The following PLAGL1 variants were observed in gnomAD, a reference collection of about 807,000 sequenced individuals.
PLAGL1 encodes PLAG1 like zinc finger 1, also known as zinc finger protein PLAGL1.
A neutral mutation model predicts 4.6 loss-of-function variants in PLAGL1; 1 was observed. The ratio of observed to expected loss-of-function variants is 0.22; its 90% CI spans 0.08 to 1.03. The LOEUF (loss-of-function observed/expected upper bound fraction) is 1.03, where lower values mean the gene tolerates loss of function less well. PLAGL1 is among the 50% of genes least tolerant of loss of function. The pLI is 0.58. For missense variants in PLAGL1, 464 were observed against 570.4 expected (o/e 0.81, Z 1.90); for synonymous variants, 240 against 237.8 (o/e 1.01, Z -0.08).
At chr6:144,054,857 C>T (rs1006134491) in intron 1 of PLAGL1, among the ~76,000 whole-genome samples, 1 of 148,042 alleles carries the variant, frequency 6.8e-6, no homozygotes, top group Non-Finnish European at 1.5e-5. Context: ...ATTTTCCTTA[C>T]AAAAGTATTT....
At chr6:144,014,267 C>A (rs1192756988) in intron 1 of PLAGL1, among the ~76,000 whole-genome samples, 3 of 151,858 alleles carry the variant, frequency 2.0e-5, no homozygotes, top group African/African-American at 7.3e-5. Context: ...CCCATCAATA[C>A]TAAAAATGCA....
intron 2 of PLAGL1, among the ~76,000 whole-genome samples, chr6:143,976,161 G>A (rs539512192): frequency 1.3e-5 from 2 of 151,902 alleles, no homozygotes; most frequent in Non-Finnish European, 2.9e-5. Context: ...GGAAGACAGA[G>A]GCCACTAAGA....
chr6:144,060,241 G>A (rs1799289307), intron 1 of PLAGL1, among the ~76,000 whole-genome samples: 1 of 152,042 alleles, frequency 6.6e-6, no homozygotes, highest in South Asian at 2.1e-4. Flanking sequence ...TAGAGGTGGG[G>A]TTTCACCATG....
chr6:144,041,906 T>A (rs1797767198), intron 1 of PLAGL1, among the ~76,000 whole-genome samples: 1 of 152,234 alleles, frequency 6.6e-6, no homozygotes, highest in African/African-American at 2.4e-5. Flanking sequence ...TCATTGTGGT[T>A]TTGATTTGCA....
At chr6:144,023,128 G>A (rs538054628) in intron 1 of PLAGL1, among the ~76,000 whole-genome samples, 1 of 152,266 alleles carries the variant, frequency 6.6e-6, no homozygotes, top group East Asian at 1.9e-4. Context: ...AAAGGAGCAA[G>A]TTTGAAAAGA....
rs756525747 is a variant in PLAGL1, at chr6:144,034,592, G to T, written c.-151+29876C>A. ...TCAGTCCTCCAGCAAAGAAAAGTGG[G>T]AGGCCCCGACAAATTGTCATTATGC... is the stretch of plus-strand genomic sequence containing the variant. On this transcript the variant is annotated intron_variant, in intron 1 of 3. Transcript: ENST00000437412. This position sits in a 1 kb window ranked among gnomAD's most constrained non-coding sequence, Gnocchi z 4.7. Among the ~76,000 whole-genome samples, 1 of 152,164 alleles carries T rather than the reference G, an allele frequency of 6.6e-6. No individual in the cohort carries two copies. The highest frequency in any genetic ancestry group is 1.5e-5 in the Non-Finnish European group (1 of 68,034).
intron 1 of PLAGL1, among the ~76,000 whole-genome samples, chr6:144,029,865 T>C (rs1489111989): frequency 6.6e-6 from 1 of 152,200 alleles, no homozygotes; most frequent in African/African-American, 2.4e-5. Context: ...CTTTTAAGAA[T>C]ATGTCCTGTA....
At position 143,954,640 on chromosome 6, in the gene PLAGL1, A is replaced by C. The variant is rs1315999852; in HGVS notation, c.-325+5829T>G. 2.0e-5 allele frequency among the ~76,000 whole-genome samples: 3 copies of C among 152,254 alleles called. No individual in the cohort carries two copies. ...GAGAGGAGATGATTTTTAAACTAAC[A>C]AAACAGAGTATACTATCTTCATCAC... On this transcript the variant is annotated intron_variant, in intron 6 of 7. Coordinates refer to ENST00000674357, the MANE Select transcript of PLAGL1 (RefSeq NM_001317162.2). This position sits in a 1 kb window ranked among gnomAD's most constrained non-coding sequence, Gnocchi z 5.1.
At position 143,973,913 on chromosome 6, in the gene PLAGL1, T is replaced by G. The variant is rs1406352908; in HGVS notation, c.-543-4935A>C. On this transcript the variant is annotated intron_variant, in intron 2 of 7. Coordinates refer to ENST00000674357, the MANE Select transcript of PLAGL1 (RefSeq NM_001317162.2). The surrounding 1 kb of genome is among the most constrained non-coding windows in gnomAD (Gnocchi z 6.2). ...AAAGATGGAGTTAGTTTGCATAAATTCTGTTTGTACAACAAAAGTGTGAAC... is the reference window on the plus strand; with the variant it reads ...AAAGATGGAGTTAGTTTGCATAAATGCTGTTTGTACAACAAAAGTGTGAAC... 1.3e-5 allele frequency among the ~76,000 whole-genome samples: 2 copies of G among 152,240 alleles called. No individual in the cohort carries two copies. The highest frequency in any genetic ancestry group is 2.9e-5 in the Non-Finnish European group (2 of 68,040).
rs1781757919 is a variant in PLAGL1 at position 143,954,677 on chromosome 6, A to G, written c.-325+5792T>C. On this transcript the variant is annotated intron_variant, in intron 6 of 7. Transcript: ENST00000674357. This position sits in a 1 kb window ranked among gnomAD's most constrained non-coding sequence, Gnocchi z 5.1. Reference sequence around the variant, plus strand: ...ACTATCTTCATCACATGACAAAGTTACCTATTATCATTGCTTGCATGAAAC... The same window carrying G: ...ACTATCTTCATCACATGACAAAGTTGCCTATTATCATTGCTTGCATGAAAC... 6.6e-6 allele frequency among the ~76,000 whole-genome samples: 1 copy of G among 152,240 alleles called. No homozygotes were observed. The highest frequency in any genetic ancestry group is 6.5e-5 in the Admixed American group (1 of 15,286).
chr6:143,985,547 T>C lies in PLAGL1; in HGVS notation c.-583-373A>G, dbSNP rs1788822575. On this transcript the variant is annotated intron_variant, in intron 1 of 7. Transcript: ENST00000674357. This position sits in a 1 kb window ranked among gnomAD's most constrained non-coding sequence, Gnocchi z 4.4. ...AAAATCTCTTTCTGCCCCTGACCCATTGCACATCTATTTTTAACACTAAAA... is the reference window on the plus strand; with the variant it reads ...AAAATCTCTTTCTGCCCCTGACCCACTGCACATCTATTTTTAACACTAAAA... Among the ~76,000 whole-genome samples, 4 of 152,160 alleles carry C rather than the reference T, an allele frequency of 2.6e-5. No individual in the cohort carries two copies. The highest frequency in any genetic ancestry group is 2.6e-4 in the Admixed American group (4 of 15,268).
rs1788736588 is a variant in PLAGL1 at position 143,985,156 on chromosome 6, T to C, written c.-565A>G. 1 of 152,222 alleles carries C rather than the reference T, an allele frequency of 6.6e-6. No individual in the cohort carries two copies. Among genetic ancestry groups the C allele is most frequent in the African/African-American group, 2.4e-5 (1 of 41,472 alleles). The allele number at this position is 152,222 out of a possible 1,614,324, so 9.4% of individuals were successfully genotyped here. On this transcript the variant is annotated 5_prime_UTR_variant, in exon 2 of 8. Transcript: ENST00000674357. The surrounding 1 kb of genome is among the most constrained non-coding windows in gnomAD (Gnocchi z 4.4). ...TTACAAAAGCCAATCACGATGTTTATGAATCAGGCAGGAACAATCTGCAAA... is the reference window on the plus strand; with the variant it reads ...TTACAAAAGCCAATCACGATGTTTACGAATCAGGCAGGAACAATCTGCAAA...
chr6:143,943,685 G>GACTT (rs1562375923), intron 7 of PLAGL1, among the ~76,000 whole-genome samples: 1 of 151,754 alleles, frequency 6.6e-6, no homozygotes, highest in Non-Finnish European at 1.5e-5. Context: ...AATTCAAAAA[G>GACTT]ACTTTCTTCT....
At chr6:144,035,358 C>T (rs531244030) in intron 1 of PLAGL1, among the ~76,000 whole-genome samples, 43 of 152,306 alleles carry the variant, frequency 2.8e-4, no homozygotes, top group African/African-American at 1.0e-3. Context: ...TGGTGTAAGT[C>T]CAAGAGTCCA....
Position 144,005,394 on chromosome 6 carries a change from A to G in PLAGL1, c.-584+2696T>C, listed in dbSNP as rs542289163. 5 of 152,332 alleles carry G rather than the reference A, an allele frequency of 3.3e-5. No homozygotes were observed. Among genetic ancestry groups the G allele is most frequent in the African/African-American group, 9.6e-5 (4 of 41,596 alleles). The allele number at this position is 152,332 out of a possible 1,614,324, so 9.4% of individuals were successfully genotyped here. A position where few individuals can be genotyped will look rare whatever the true frequency, so the allele number is the denominator to read the frequency against. On this transcript the variant is annotated intron_variant, in intron 1 of 7. Transcript: ENST00000674357. This position sits in a 1 kb window ranked among gnomAD's most constrained non-coding sequence, Gnocchi z 4.6. ...AAACCAGGATTAACAGCCTGGAAAT[A>G]AGCCCAAACATATCTGGGTACTGTA... is the stretch of plus-strand genomic sequence containing the variant.
In PLAGL1 at chr6:143,968,596, T is replaced by G. The variant is rs1784865108; in HGVS notation, c.-472+311A>C. On this transcript the variant is annotated intron_variant, in intron 3 of 7. Transcript: ENST00000674357. This position sits in a 1 kb window ranked among gnomAD's most constrained non-coding sequence, Gnocchi z 6.3. Reference sequence around the variant, plus strand: ...AAATCAACTGTACAATGCCCATGATTTCTAATTTAAGACAGATAAATAGCA... The same window carrying G: ...AAATCAACTGTACAATGCCCATGATGTCTAATTTAAGACAGATAAATAGCA... The G allele has an allele frequency of 6.6e-6, 1 of 152,208 alleles. No homozygotes were observed. Among genetic ancestry groups the G allele is most frequent in the African/African-American group, 2.4e-5 (1 of 41,446 alleles). The allele number at this position is 152,208 out of a possible 1,614,324, so 9.4% of individuals were successfully genotyped here. A position where few individuals can be genotyped will look rare whatever the true frequency, so the allele number is the denominator to read the frequency against.
rs76539418 is a variant in PLAGL1 at position 143,955,332 on chromosome 6, T to A, written c.-325+5137A>T. Among the ~76,000 whole-genome samples, 10,530 of 152,162 alleles carry A rather than the reference T, an allele frequency of 0.069. 447 individuals are homozygous for A. Among genetic ancestry groups the A allele is most frequent in the East Asian group, 0.16 (841 of 5,174 alleles). On this transcript the variant is annotated intron_variant, in intron 6 of 7. Transcript: ENST00000674357. This position sits in a 1 kb window ranked among gnomAD's most constrained non-coding sequence, Gnocchi z 4.9. ...TAAGACTGGAATACAGGTGCAGATG[T>A]GGGCAAAGGAGAAAACAGGCTAGAG...
chr6:144,041,828 C>T (rs528568713), intron 1 of PLAGL1, among the ~76,000 whole-genome samples: 7 of 152,274 alleles, frequency 4.6e-5, no homozygotes, highest in Admixed American at 3.9e-4. Flanking sequence ...CCTATTTCTC[C>T]GCATCGTCTC....
chr6:144,060,473 G>A (rs1263238832), intron 1 of PLAGL1, among the ~76,000 whole-genome samples: 1 of 152,120 alleles, frequency 6.6e-6, no homozygotes, highest in African/African-American at 2.4e-5. Flanking sequence ...CTAGACACAG[G>A]GCTGGTATGT....
Sources: allele counts gnomAD v4.1 joint callset (sites outside exome capture counted in the v4.1 genomes callset), GRCh38; gene constraint gnomAD v4.1.1; non-coding constraint Gnocchi (gnomAD v3.1); transcripts MANE v1.5; gene names NCBI Gene and HGNC (gene_info 2026-07-23, HGNC 2026-07-21).